SPIN1: variants seen among roughly 807,000 people sequenced by gnomAD.
SPIN1 encodes spindlin-1.
SPIN1 carries 3 observed loss-of-function variants against 26.0 expected under a neutral mutation model. That is an observed-to-expected ratio of 0.12 (90% CI 0.05 to 0.30). The LOEUF is 0.30. Among genes scored for constraint, SPIN1 ranks in the 10% least tolerant of loss-of-function variants. The pLI is 1.00. For synonymous variants in SPIN1, 101 were observed against 116.5 expected (o/e 0.87, Z 0.86); for missense variants, 126 against 333.4 (o/e 0.38, Z 4.84).
intron 5 of SPIN1, among the ~76,000 whole-genome samples, chr9:88,471,467 A>T (rs1169662250): frequency 2.0e-5 from 3 of 151,894 alleles, no homozygotes; most frequent in Admixed American, 2.0e-4. Flanking sequence ...GTTCGAGACC[A>T]GCCTGGGCAG....
At chr9:88,438,352 AT>A (rs1024388314) in intron 2 of SPIN1, among the ~76,000 whole-genome samples, 3 of 151,964 alleles carry the variant, frequency 2.0e-5, no homozygotes, top group Non-Finnish European at 4.4e-5. Context: ...GTATTTTGAG[AT>A]TTTTCAGCCA....
intron 1 of SPIN1, chr9:88,416,906 AGCCATCG>A (rs1827577578): frequency 6.6e-6 from 1 of 152,382 alleles, no homozygotes; most frequent in South Asian, 2.1e-4. Flanking sequence ...TACAGGCGTG[AGCCATCG>A]CGCCCAGCCT....
chr9:88,438,566 A>G (rs1828055015), intron 2 of SPIN1, among the ~76,000 whole-genome samples: 1 of 152,182 alleles, frequency 6.6e-6, no homozygotes, highest in South Asian at 2.1e-4. Context: ...TAGATCAAAT[A>G]TATAGATTAG....
intron 1 of SPIN1, among the ~76,000 whole-genome samples, chr9:88,396,498 A>AG (rs1442548449): frequency 6.6e-6 from 1 of 151,454 alleles, no homozygotes. Flanking sequence ...GCTACTCAGG[A>AG]GGCTGAGGCA....
intron 1 of SPIN1, among the ~76,000 whole-genome samples, chr9:88,390,472 T>C (rs1490882776): frequency 6.6e-6 from 1 of 152,252 alleles, no homozygotes; most frequent in Non-Finnish European, 1.5e-5. Context: ...TGCACATAGT[T>C]ACAACGTTAC....
intron 1 of SPIN1, chr9:88,411,381 C>T (rs191735685): frequency 1.1e-4 from 177 of 1,592,088 alleles, no homozygotes; most frequent in Non-Finnish European, 1.5e-4. Flanking sequence ...CTCAGGCTCT[C>T]ATCGGTTGTT....
chr9:88,419,189 T>G (rs1157079025), intron 1 of SPIN1, among the ~76,000 whole-genome samples: 1 of 152,208 alleles, frequency 6.6e-6, no homozygotes, highest in African/African-American at 2.4e-5. Context: ...CCCTCATTCC[T>G]ATTACGTGCT....
At chr9:88,398,195 G>C (rs373217668) in intron 1 of SPIN1, among the ~76,000 whole-genome samples, 1 of 151,866 alleles carries the variant, frequency 6.6e-6, no homozygotes, top group African/African-American at 2.4e-5. Context: ...CCAAAGTGCT[G>C]CCTCAGCCTC....
rs547286660 is a variant in SPIN1 at position 88,432,408 on chromosome 9, G to A, written c.52+5817G>A. ...TCACCATGTTGCCCAGGCTGGTCTC[G>A]AACTCCTGACCTCAGGTGATCCATC... On this transcript the variant is annotated intron_variant, in intron 2 of 5. Transcript: ENST00000375859. 3.3e-5 allele frequency among the ~76,000 whole-genome samples: 5 copies of A among 151,470 alleles called. No individual in the cohort carries two copies. In the South Asian group the frequency reaches 1.0e-3, roughly 32 times the overall value.
intron 1 of SPIN1, among the ~76,000 whole-genome samples, chr9:88,393,445 G>GT (rs57244433): frequency 0.036 from 3,163 of 88,288 alleles, 550 homozygotes; most frequent in African/African-American, 0.062. Flanking sequence ...TTGCTTTTGG[G>GT]TTTTTTTTTT....
intron 2 of SPIN1, among the ~76,000 whole-genome samples, chr9:88,441,324 C>T (rs528993771): frequency 1.3e-5 from 2 of 151,332 alleles, no homozygotes; most frequent in Non-Finnish European, 2.9e-5. Context: ...TGGAACCAGT[C>T]CCCCGTAGAT....
chr9:88,402,236 G>A (rs1408075406), intron 1 of SPIN1, among the ~76,000 whole-genome samples: 1 of 152,050 alleles, frequency 6.6e-6, no homozygotes, highest in African/African-American at 2.4e-5. Flanking sequence ...CAGGTGATCC[G>A]CCTGCCTCAG....
chr9:88,456,214 G>GATAGAAAATAATACTTCATC lies in SPIN1; in HGVS notation c.102-6278_102-6259dup, dbSNP rs572902979. ...AAAGGTTTTATTCATTTTATACACA[G>GATAGAAAATAATACTTCATC]ATAGAAAATAATACTTCATCATAAT... On this transcript the variant is annotated intron_variant, in intron 3 of 5. Coordinates refer to ENST00000375859, the MANE Select transcript of SPIN1 (RefSeq NM_006717.3). 7.1e-3 allele frequency among the ~76,000 whole-genome samples: 1,088 copies of GATAGAAAATAATACTTCATC among 152,228 alleles called. 8 individuals carry two copies. The highest frequency in any genetic ancestry group is 0.011 in the Non-Finnish European group (782 of 68,012).
At chr9:88,396,122 G>A (rs1041992894) in intron 1 of SPIN1, among the ~76,000 whole-genome samples, 1 of 151,250 alleles carries the variant, frequency 6.6e-6, no homozygotes, top group Non-Finnish European at 1.5e-5. Context: ...GGTGGCCTGC[G>A]CCTGTAATCC....
intron 1 of SPIN1, among the ~76,000 whole-genome samples, chr9:88,403,208 G>A (rs562396090): frequency 1.6e-4 from 25 of 152,154 alleles, no homozygotes; most frequent in South Asian, 1.0e-3. Flanking sequence ...TGAATGGTTT[G>A]CACATATCAT....
chr9:88,422,148 C>T (rs752493919), intron 1 of SPIN1, among the ~76,000 whole-genome samples: 1 of 152,142 alleles, frequency 6.6e-6, no homozygotes, highest in Non-Finnish European at 1.5e-5. Flanking sequence ...TTATTGTTCT[C>T]CAGCAACCTT....
chr9:88,433,921 C>G (rs923096596), intron 2 of SPIN1, among the ~76,000 whole-genome samples: 1 of 150,914 alleles, frequency 6.6e-6, no homozygotes, highest in African/African-American at 2.4e-5. Context: ...TTCTCATCAA[C>G]GTTATAAGGA....
chr9:88,478,061 TAAAAATGCACTGGTGAAGCA>T lies in SPIN1; in HGVS notation c.*2787_*2806del, dbSNP rs1435871149. 6.6e-6 allele frequency: 1 copy of T among 152,178 alleles called. No individual in the cohort carries two copies. The highest frequency in any genetic ancestry group is 1.5e-5 in the Non-Finnish European group (1 of 68,020). 9.4% of individuals were successfully genotyped at this position (152,178 alleles called of 1,614,324 possible). A position where few individuals can be genotyped will look rare whatever the true frequency, so the allele number is the denominator to read the frequency against. ...CTGTGCCGTTTTAGTGGTTTTAGGA[TAAAAATGCACTGGTGAAGCA>T]AATGTAGTGCCAACAGAAGGTGATT... On this transcript the variant is annotated 3_prime_UTR_variant, in exon 6 of 6. Coordinates refer to ENST00000375859, the MANE Select transcript of SPIN1 (RefSeq NM_006717.3).
intron 2 of SPIN1, among the ~76,000 whole-genome samples, chr9:88,436,255 CAG>C (rs1827996324): frequency 6.6e-6 from 1 of 152,104 alleles, no homozygotes; most frequent in Admixed American, 6.5e-5. Flanking sequence ...GTGTTGATGA[CAG>C]AAGAATAATT....
Sources: gnomAD v4.1 joint callset for allele counts (sites outside exome capture counted in the v4.1 genomes callset) on GRCh38, gnomAD v4.1.1 for gene constraint, MANE v1.5 for transcripts, NCBI Gene and HGNC (gene_info 2026-07-23, HGNC 2026-07-21) for gene names.